PAM: variants seen among roughly 807,000 people sequenced by gnomAD.
The protein encoded by PAM is peptidylglycine alpha-amidating monooxygenase.
PAM carries 72 observed loss-of-function variants against 122.1 expected under a neutral mutation model. The ratio of observed to expected loss-of-function variants is 0.59; its 90% confidence interval spans 0.49 to 0.72. The LOEUF (loss-of-function observed/expected upper bound fraction) is 0.72, where lower values mean the gene tolerates loss of function less well. Among genes scored for constraint, PAM ranks in the 30% least tolerant of loss-of-function variants. The probability of loss-of-function intolerance (pLI) is 0.00; values close to 1 mark genes in which losing one functional copy is unlikely to be tolerated. For missense variants in PAM, 1,106 were observed against 1,183.7 expected, an observed-to-expected ratio of 0.93 and a Z score of 0.96; for synonymous variants, 389 against 404.4, an observed-to-expected ratio of 0.96 and a Z score of 0.46.
intron 7 of PAM, among the ~76,000 whole-genome samples, chr5:102,928,741 T>C (rs1750466178): frequency 6.6e-6 from 1 of 152,164 alleles, no homozygotes; most frequent in African/African-American, 2.4e-5. Context: ...TCTGATGTGC[T>C]TTAGGAGGCT....
chr5:102,867,276 TAAA>T lies in PAM; in HGVS notation c.94_96del (p.Lys32del). On this transcript the variant is annotated inframe_deletion, in exon 3 of 26. Transcript: ENST00000438793. ...TGAAATTGCCCTCTTTTTTAAGGTTTAAAGAAACTACCAGACCATTTTCCAATG... is the reference window on the plus strand; with the variant it reads ...TGAAATTGCCCTCTTTTTTAAGGTTTGAAACTACCAGACCATTTTCCAATG... 3 of 1,599,330 alleles carry T rather than the reference TAAA, an allele frequency of 1.9e-6. No individual in the cohort carries two copies. In the South Asian group the frequency reaches 3.3e-5, roughly 18 times the overall value.
At position 102,936,081 on chromosome 5, in the gene PAM, A is replaced by G. The variant is rs993192806; in HGVS notation, c.526+9413A>G. 2.5e-4 allele frequency among the ~76,000 whole-genome samples: 38 copies of G among 152,204 alleles called. 1 individual carries two copies. The highest frequency in any genetic ancestry group is 1.9e-3 in the Admixed American group (29 of 15,276). The stretch of plus-strand genomic sequence containing the variant: ...TCCTAATTATTTTACTAATTTTACT[A>G]TTATCTGTGCACTTGAGGGTATTTG... On this transcript the variant is annotated intron_variant, in intron 7 of 25. Transcript: ENST00000438793.
chr5:102,872,429 C>T (rs1376496574), intron 3 of PAM, among the ~76,000 whole-genome samples: 1 of 152,184 alleles, frequency 6.6e-6, no homozygotes, highest in East Asian at 1.9e-4. Flanking sequence ...CAAAATCTTC[C>T]CACTGTGTTT....
At chr5:103,007,977 G>A (rs192653166) in intron 20 of PAM, among the ~76,000 whole-genome samples, 6 of 151,912 alleles carry the variant, frequency 3.9e-5, no homozygotes, top group South Asian at 4.2e-4. Flanking sequence ...TTCACACATC[G>A]ACAAATGGTA....
chr5:102,869,270 T>A (rs112938560), intron 3 of PAM, among the ~76,000 whole-genome samples: 2 of 152,348 alleles, frequency 1.3e-5, no homozygotes, highest in African/African-American at 4.8e-5. Context: ...TTGCTGAGAA[T>A]GTATTTTTCT....
At chr5:102,873,152 G>T (rs1788064817) in intron 3 of PAM, 1 of 152,032 alleles carries the variant, frequency 6.6e-6, no homozygotes, top group Non-Finnish European at 1.5e-5. Flanking sequence ...TTTAGGGGTT[G>T]TGATTTCCTT....
intron 8 of PAM, among the ~76,000 whole-genome samples, chr5:102,948,130 GTGT>G (rs1431585643): frequency 9.2e-5 from 14 of 152,086 alleles, no homozygotes; most frequent in African/African-American, 3.1e-4. Flanking sequence ...ACCTAGACTG[GTGT>G]TTGACCAAAC....
chr5:103,029,190 C>A lies in PAM; in HGVS notation c.*125C>A. The A allele has an allele frequency of 1.5e-6, 1 of 645,230 alleles. No individual in the cohort carries two copies. The highest frequency in any genetic ancestry group is 2.4e-6 in the Non-Finnish European group (1 of 423,508). 40.0% of individuals were successfully genotyped at this position (645,230 alleles called of 1,614,324 possible). ...ACTAGTCTGTGTGGGACTGTACACA[C>A]TTTATTTACTTCGTTTTGGTTAAGT... On this transcript the variant is annotated 3_prime_UTR_variant, in exon 26 of 26. Coordinates refer to ENST00000438793, the MANE Select transcript of PAM (RefSeq NM_001177306.2).
At chr5:102,776,127 C>T (rs1757123812) in intron 1 of PAM, among the ~76,000 whole-genome samples, 1 of 152,076 alleles carries the variant, frequency 6.6e-6, no homozygotes, top group Admixed American at 6.6e-5. Context: ...TTGTTGGCCA[C>T]ATAAATCTCC....
At chr5:103,006,768 A>G (rs1002119497) in intron 18 of PAM, 33 bp from the exon 19 acceptor site, 1 of 1,500,230 alleles carries the variant, frequency 6.7e-7, no homozygotes, top group Non-Finnish European at 9.2e-7. Context: ...TAACCATGAA[A>G]AGTAGGTAAG....
intron 3 of PAM, among the ~76,000 whole-genome samples, chr5:102,878,429 T>G (rs1789899256): frequency 6.6e-6 from 1 of 152,206 alleles, no homozygotes; most frequent in African/African-American, 2.4e-5. Flanking sequence ...TGAACGACTA[T>G]GTTACTGGCT....
intron 16 of PAM, among the ~76,000 whole-genome samples, chr5:102,993,960 T>G (rs1774924255): frequency 6.6e-6 from 1 of 152,162 alleles, no homozygotes; most frequent in South Asian, 2.1e-4. Context: ...CTGTGTCTTT[T>G]GTTCTGCTCA....
intron 1 of PAM, among the ~76,000 whole-genome samples, chr5:102,807,794 G>C (rs1766633089): frequency 6.6e-6 from 1 of 152,222 alleles, no homozygotes; most frequent in Admixed American, 6.5e-5. Context: ...TACTTAGACT[G>C]TTGCTACCTG....
intron 1 of PAM, among the ~76,000 whole-genome samples, chr5:102,797,443 A>C (rs1221923060): frequency 1.3e-5 from 2 of 152,196 alleles, no homozygotes; most frequent in East Asian, 3.8e-4. Context: ...CCTTATGCAA[A>C]ATGATTTTGA....
At chr5:102,949,430 A>G in intron 9 of PAM, 107 bp from the exon 10 acceptor site, 2 of 731,778 alleles carry the variant, frequency 2.7e-6, no homozygotes, top group Non-Finnish European at 5.0e-6. Context: ...TCATAAGAAA[A>G]CCTCAGTCCC....
intron 1 of PAM, among the ~76,000 whole-genome samples, chr5:102,775,829 G>T (rs1344932608): frequency 6.6e-6 from 1 of 152,120 alleles, no homozygotes; most frequent in Non-Finnish European, 1.5e-5. Flanking sequence ...ATAATAGAAT[G>T]ATTTTTATTC....
At chr5:102,856,741 T>C (rs1782737232) in intron 1 of PAM, among the ~76,000 whole-genome samples, 2 of 152,196 alleles carry the variant, frequency 1.3e-5, no homozygotes, top group Admixed American at 1.3e-4. Flanking sequence ...CAAGTTCTTA[T>C]TGCAGTAGAA....
chr5:102,845,700 G>A (rs545213528), intron 1 of PAM, among the ~76,000 whole-genome samples: 26 of 152,184 alleles, frequency 1.7e-4, no homozygotes, highest in Admixed American at 2.0e-4. Context: ...TGAAAACATC[G>A]TGCTGAAGAG....
chr5:102,914,059 A>C, intron 5 of PAM, 38 bp downstream of exon 5: 4 of 1,138,328 alleles, frequency 3.5e-6, no homozygotes, highest in Non-Finnish European at 5.3e-6. Context: ...AGGGTGTAGA[A>C]AATGTGTTTT....
Sources: allele counts gnomAD v4.1 joint callset (sites outside exome capture counted in the v4.1 genomes callset), GRCh38; gene constraint gnomAD v4.1.1; transcripts MANE v1.5; gene names NCBI Gene and HGNC (gene_info 2026-07-23, HGNC 2026-07-21).